The following GCFC2 variants were observed in gnomAD, a reference collection of about 807,000 sequenced individuals.
GCFC2 encodes the protein GC-rich sequence DNA-binding factor 2.
GCFC2 carries 102 observed loss-of-function variants against 99.4 expected under a neutral mutation model. That is an observed-to-expected ratio of 1.03 (90% CI 0.87 to 1.21). The LOEUF (loss-of-function observed/expected upper bound fraction) is 1.21. GCFC2 is among the 50% of genes most tolerant of loss of function. The pLI is 0.00. For missense variants in GCFC2, 973 were observed against 920.9 expected (o/e 1.06, Z -0.73); for synonymous variants, 338 against 316.8 (o/e 1.07, Z -0.71).
Position 75,694,382 on chromosome 2 carries a change from A to T in GCFC2, c.879T>A (p.Tyr293Ter), listed in dbSNP as rs764174642. ...TTTTGACATCTTGTACGTATTTTTC[A>T]TACTCCCTCAGGTGTGAGCGGTGAG... The part of the protein sequence containing the change: ...QETHRSHLRE[Y>*]EKYVQDVKSS... The change falls in exon 6 of 17, where the codon TAT becomes TAA. Residue 293 changes from tyrosine (Y) to a stop codon, truncating the protein, a stop_gained. Transcript: ENST00000321027. LOFTEE classifies it high-confidence loss of function. 8 of 1,532,858 alleles carry T rather than the reference A, an allele frequency of 5.2e-6. No homozygotes were observed. The highest frequency in any genetic ancestry group is 7.1e-6 in the Non-Finnish European group (8 of 1,125,982). The allele number at this position is 1,532,858 out of a possible 1,614,324, so 95.0% of individuals were successfully genotyped here. A position where few individuals can be genotyped will look rare whatever the true frequency, so the allele number is the denominator to read the frequency against.
chr2:75,691,329 G>C (rs1225734186), intron 7 of GCFC2, among the ~76,000 whole-genome samples: 1 of 151,958 alleles, frequency 6.6e-6, no homozygotes, highest in Admixed American at 6.6e-5. Context: ...ATTCATTTTT[G>C]GACCATTGTT....
Position 75,700,274 on chromosome 2 carries a change from A to G in GCFC2, c.717+916T>C, listed in dbSNP as rs536595387. On this transcript the variant is annotated intron_variant, in intron 4 of 16. Transcript: ENST00000321027. ...TCTTTTAAAAAATTAAATAAAACAC[A>G]AAACTATTATTTGTGTATGCAGAAA... Among the ~76,000 whole-genome samples, 350 of 152,336 alleles carry G rather than the reference A, an allele frequency of 2.3e-3. 1 individual carries two copies. The highest frequency in any genetic ancestry group is 8.2e-3 in the African/African-American group (340 of 41,584).
intron 2 of GCFC2, among the ~76,000 whole-genome samples, chr2:75,704,048 C>A (rs144821808): frequency 6.6e-6 from 1 of 152,146 alleles, no homozygotes; most frequent in Non-Finnish European, 1.5e-5. Context: ...AAGAGTATTG[C>A]GTTTGTCCTG....
chr2:75,705,319 T>A (rs1223208599), intron 2 of GCFC2, among the ~76,000 whole-genome samples: 1 of 152,132 alleles, frequency 6.6e-6, no homozygotes. Context: ...TGTTATTTAA[T>A]AGGCTAATAA....
In GCFC2 at chr2:75,702,515, C is replaced by T. The variant is rs931897790; in HGVS notation, c.395-92G>A. On this transcript the variant is annotated intron_variant, in intron 2 of 16. Transcript: ENST00000321027. ...AAGAAAAAGAAAAAAGCACCATTTT[C>T]CTAAATTATTTGCTATTTTGATATA... 40 of 992,688 alleles carry T rather than the reference C, an allele frequency of 4.0e-5. 1 individual carries two copies. Among genetic ancestry groups the T allele is most frequent in the Non-Finnish European group, 5.8e-6 (4 of 685,118 alleles). 61.5% of individuals were successfully genotyped at this position (992,688 alleles called of 1,614,324 possible). A position where few individuals can be genotyped will look rare whatever the true frequency, so the allele number is the denominator to read the frequency against.
chr2:75,706,028 A>C (rs1053391276), intron 2 of GCFC2, among the ~76,000 whole-genome samples: 1 of 152,218 alleles, frequency 6.6e-6, no homozygotes, highest in African/African-American at 2.4e-5. Context: ...AGACACAAAA[A>C]CATTCATGTC....
At chr2:75,688,063 C>A in intron 10 of GCFC2, 86 bp from the exon 11 acceptor site, 2 of 794,552 alleles carry the variant, frequency 2.5e-6, no homozygotes, top group African/African-American at 1.8e-5. Context: ...CAATAATCAC[C>A]AGAGCTTTTC....
chr2:75,696,969 G>A (rs1319324852), intron 4 of GCFC2, among the ~76,000 whole-genome samples: 6 of 151,990 alleles, frequency 3.9e-5, no homozygotes, highest in Non-Finnish European at 8.8e-5. Context: ...TGTATTTTTA[G>A]TAGACATGGG....
In GCFC2 at chr2:75,671,941, T is replaced by C; in HGVS notation, c.1956+9A>G. ...AAATTGCCTTTTCATTTTTGCAGTT[T>C]TTGCTCACCTTTAGGCCTGACCAGA... On this transcript the variant is annotated intron_variant, in intron 14 of 16. Transcript: ENST00000321027. The C allele has an allele frequency of 6.6e-7, 1 of 1,517,622 alleles. No homozygotes were observed. Among genetic ancestry groups the C allele is most frequent in the Non-Finnish European group, 9.1e-7 (1 of 1,096,742 alleles). 94.0% of individuals were successfully genotyped at this position (1,517,622 alleles called of 1,614,324 possible). A position where few individuals can be genotyped will look rare whatever the true frequency, so the allele number is the denominator to read the frequency against.
intron 4 of GCFC2, among the ~76,000 whole-genome samples, chr2:75,699,702 A>T (rs1042548869): frequency 1.3e-5 from 2 of 151,974 alleles, no homozygotes; most frequent in African/African-American, 4.8e-5. Flanking sequence ...CAGCCCCGCA[A>T]GTGGCTGGGA....
chr2:75,682,127 T>C (rs561242901), intron 11 of GCFC2, among the ~76,000 whole-genome samples: 5 of 152,024 alleles, frequency 3.3e-5, no homozygotes, highest in Admixed American at 3.3e-4. Context: ...AGTGGGTCCC[T>C]GACCCCTGTG....
At chr2:75,684,094 T>C (rs1464180318) in intron 11 of GCFC2, among the ~76,000 whole-genome samples, 4 of 152,010 alleles carry the variant, frequency 2.6e-5, no homozygotes, top group Admixed American at 2.0e-4. Flanking sequence ...AACAAAGATA[T>C]CCAGGAATTG....
chr2:75,673,568 AT>A, intron 12 of GCFC2, 48 bp from the exon 13 acceptor site: 1 of 805,900 alleles, frequency 1.2e-6, no homozygotes, highest in South Asian at 1.4e-5. Context: ...ATAGAAATGT[AT>A]TTACCAAAAA....
rs1011738153 is a variant in GCFC2, at chr2:75,682,208, C to G, written c.1691-1894G>C. Among the ~76,000 whole-genome samples, 5 of 151,826 alleles carry G rather than the reference C, an allele frequency of 3.3e-5. 1 individual carries two copies. Among genetic ancestry groups the G allele is most frequent in the African/African-American group, 7.3e-5 (3 of 41,120 alleles). On this transcript the variant is annotated intron_variant, in intron 11 of 16. Coordinates refer to ENST00000321027, the MANE Select transcript of GCFC2 (RefSeq NM_003203.5). The stretch of plus-strand genomic sequence containing the variant: ...CACAGAGGAGAGCTCTGCCTGGCAT[C>G]TGGCGGATGACCCTCTGAGACGAAG...
At chr2:75,689,909 A>G (rs1183344873) in intron 9 of GCFC2, 60 bp downstream of exon 9, 3 of 862,170 alleles carry the variant, frequency 3.5e-6, no homozygotes, top group East Asian at 5.3e-5. Flanking sequence ...CAATCCCAGC[A>G]AAGTGTTTCT....
chr2:75,675,299 T>C (rs554195123), intron 12 of GCFC2, among the ~76,000 whole-genome samples: 11 of 152,182 alleles, frequency 7.2e-5, no homozygotes, highest in Non-Finnish European at 1.3e-4. Context: ...TATGTATATA[T>C]TTAAAATGGA....
At chr2:75,710,410 G>A (rs1248043177) in intron 1 of GCFC2, 181 bp downstream of exon 1, 50 of 1,343,614 alleles carry the variant, frequency 3.7e-5, no homozygotes, top group Non-Finnish European at 4.6e-5. Context: ...TGCAGATAGC[G>A]GGCAAGTGCT....
intron 13 of GCFC2, among the ~76,000 whole-genome samples, chr2:75,673,031 C>T (rs1388766749): frequency 6.6e-6 from 1 of 152,210 alleles, no homozygotes; most frequent in Non-Finnish European, 1.5e-5. Context: ...CTATAGTTGG[C>T]CGGGCGCGGT....
Position 75,702,339 on chromosome 2 carries a change from T to C in GCFC2, c.479A>G (p.Asp160Gly). ...AGAGATGGAGGAGGTATGTTGTACA[T>C]CCAAAGAAATATAGTCATCTTGGGC... ...ARAQDDYISL[D>G]VQHTSSISGM... The change falls in exon 3 of 17, where the codon GAT becomes GGT. Residue 160 changes from aspartate to glycine, a missense_variant. Coordinates refer to ENST00000321027, the MANE Select transcript of GCFC2 (RefSeq NM_003203.5). 1 of 1,613,096 alleles carries C rather than the reference T, an allele frequency of 6.2e-7. No individual in the cohort carries two copies. Among genetic ancestry groups the C allele is most frequent in the Non-Finnish European group, 8.5e-7 (1 of 1,179,060 alleles).
Sources: allele counts gnomAD v4.1 joint callset (sites outside exome capture counted in the v4.1 genomes callset), GRCh38; gene constraint gnomAD v4.1.1; transcripts MANE v1.5; gene names NCBI Gene and HGNC (gene_info 2026-07-23, HGNC 2026-07-21).